ITGA5: variants seen among roughly 807,000 people sequenced by gnomAD.
ITGA5 encodes integrin alpha-5.
Under a neutral mutation model 146.3 loss-of-function variants are expected in ITGA5, and 55 were observed. The observed-to-expected ratio is 0.38, with a 90% CI of 0.30 to 0.47. The LOEUF is 0.47. Among genes scored for constraint, ITGA5 ranks in the 20% least tolerant of loss-of-function variants. ITGA5 has a pLI of 0.99. For missense variants in ITGA5, 1,131 were observed against 1,329.0 expected, an observed-to-expected ratio of 0.85 and a Z score of 2.32; for synonymous variants, 500 against 531.8, an observed-to-expected ratio of 0.94 and a Z score of 0.82.
chr12:54,414,965 A>T (rs1376843478), intron 1 of ITGA5, among the ~76,000 whole-genome samples: 2 of 151,906 alleles, frequency 1.3e-5, no homozygotes, highest in Non-Finnish European at 2.9e-5. Flanking sequence ...CTTGACCAAC[A>T]TGGCGAAACC....
chr12:54,408,055 G>T lies in ITGA5; in HGVS notation c.817+55C>A. On this transcript the variant is annotated intron_variant, in intron 7 of 29. Transcript: ENST00000293379. ...GAGGGGAGGCGAGGGGGTGAGTGGG[G>T]ACAGGAGCACTTGAGGTTCTCCCTC... 1.9e-6 allele frequency: 3 copies of T among 1,608,616 alleles called. No homozygotes were observed. In the East Asian group the frequency reaches 6.7e-5, roughly 36 times the overall value.
In ITGA5 at chr12:54,403,678, G is replaced by A; in HGVS notation, c.1723C>T (p.Leu575Phe). The change falls in exon 17 of 30, where the codon CTC becomes TTC. Residue 575 changes from leucine (L) to phenylalanine (F), a missense_variant. Physicochemically the swap from Leu to Phe is conservative, Grantham distance 22. Around this residue, in one of 3 missense-constraint regions of ITGA5, gnomAD observed 889 missense variants for 1,021.5 expected, o/e 0.87. Transcript: ENST00000293379. This position sits in a 1 kb window ranked among gnomAD's most constrained non-coding sequence, Gnocchi z 4.9. ...TCCTCTCGAGCCCCATTCTGGATGA[G>A]CAGGGTCTGGGTCAGGGTTGCCTGC... is the stretch of plus-strand genomic sequence containing the variant. ...SRQATLTQTL[L>F]IQNGAREDCR... 2 of 1,614,150 alleles carry A rather than the reference G, an allele frequency of 1.2e-6. No homozygotes were observed. The highest frequency in any genetic ancestry group is 1.7e-6 in the Non-Finnish European group (2 of 1,180,048).
Position 54,418,996 on chromosome 12 carries a change from C to T in ITGA5, c.203G>A (p.Arg68Gln). The change falls in exon 1 of 30, where the codon CGG (arginine) becomes CAG (glutamine). Residue 68 changes from arginine (R) to glutamine (Q), a missense_variant. Around this residue, in one of 3 missense-constraint regions of ITGA5, gnomAD observed 175 missense variants for 179.3 expected, o/e 0.98. Transcript: ENST00000293379. ...SFFGFSVEFY[R>Q]PGTDGVSVLV... ...CCTCACTCACCCGTCTGTTCCCGGC[C>T]GGTAAAACTCCACTGAGAATCCGAA... is the stretch of plus-strand genomic sequence containing the variant. The T allele has an allele frequency of 6.2e-7, 1 of 1,610,040 alleles. No individual in the cohort carries two copies. The highest frequency in any genetic ancestry group is 8.5e-7 in the Non-Finnish European group (1 of 1,178,792).
chr12:54,417,793 G>C (rs1328532158), intron 1 of ITGA5, among the ~76,000 whole-genome samples: 2 of 152,222 alleles, frequency 1.3e-5, no homozygotes, highest in East Asian at 3.9e-4. Flanking sequence ...GATTACACCA[G>C]TCATTGTGGA....
rs1955816096 is a variant in ITGA5, at chr12:54,403,382, G to A, written c.1777-58C>T. On this transcript the variant is annotated intron_variant, in intron 17 of 29. Transcript: ENST00000293379. The surrounding 1 kb of genome is among the most constrained non-coding windows in gnomAD (Gnocchi z 4.9). ...GGGACTCTGGAGACTTAGTGGCCCT[G>A]CTCCTCAGCCTCTCTCATCTCCCTT... 2 of 1,479,846 alleles carry A rather than the reference G, an allele frequency of 1.4e-6. No individual in the cohort carries two copies. Among genetic ancestry groups the A allele is most frequent in the South Asian group, 2.9e-5 (2 of 69,992 alleles). The allele number at this position is 1,479,846 out of a possible 1,614,324, so 91.7% of individuals were successfully genotyped here.
At position 54,409,035 on chromosome 12, in the gene ITGA5, TGG is replaced by T; in HGVS notation, c.584-83_584-82del. 1 of 1,479,678 alleles carries T rather than the reference TGG, an allele frequency of 6.8e-7. No homozygotes were observed. Among genetic ancestry groups the T allele is most frequent in the African/African-American group, 1.4e-5 (1 of 72,150 alleles). The allele number at this position is 1,479,678 out of a possible 1,614,324, so 91.7% of individuals were successfully genotyped here. A position where few individuals can be genotyped will look rare whatever the true frequency, so the allele number is the denominator to read the frequency against. On this transcript the variant is annotated intron_variant, in intron 4 of 29. Transcript: ENST00000293379. The surrounding 1 kb of genome is among the most constrained non-coding windows in gnomAD (Gnocchi z 4.7). The stretch of plus-strand genomic sequence containing the variant: ...AGAAGAGAGGGCATAGGGAAGGAGG[TGG>T]GAGAGAGAACCAGAGAAAGGGCCTT...
Position 54,397,389 on chromosome 12 carries a change from A to G in ITGA5, c.3042T>C (p.Gly1014=), listed in dbSNP as rs757545591. Residue 1014 remains glycine (G), a synonymous_variant, in exon 29 of 30, where the codon GGT becomes GGC. Transcript: ENST00000293379. ...LAILFGLLLL[G]LLIYILYKLG... The stretch of plus-strand genomic sequence containing the variant: ...CCTTGTAGAGGATGTAGATGAGTAG[A>G]CCTAGGAGCAGGAGGCCAAACAGGA... 4 of 1,613,876 alleles carry G rather than the reference A, an allele frequency of 2.5e-6. No homozygotes were observed. The highest frequency in any genetic ancestry group is 3.4e-6 in the Non-Finnish European group (4 of 1,179,960).
chr12:54,404,209 T>C lies in ITGA5; in HGVS notation c.1501A>G (p.Ile501Val), dbSNP rs754180687. The stretch of plus-strand genomic sequence containing the variant: ...TCTGGGTTGAACATGGCGGGGAAGA[T>C]GGTGAGGGAGGCACTAGCGGACACG... ...PIVSASASLT[I>V]FPAMFNPEER... The change falls in exon 15 of 30, where the codon ATC becomes GTC. Residue 501 changes from isoleucine to valine, a missense_variant. Transcript: ENST00000293379. The C allele has an allele frequency of 1.9e-6, 3 of 1,602,220 alleles. No homozygotes were observed. The highest frequency in any genetic ancestry group is 3.4e-5 in the Admixed American group (2 of 58,942).
intron 1 of ITGA5, among the ~76,000 whole-genome samples, chr12:54,413,709 A>C (rs547041232): frequency 1.2e-4 from 19 of 152,310 alleles, no homozygotes; most frequent in Admixed American, 1.3e-4. Flanking sequence ...AGAAAGCAGA[A>C]AGGGCCACCA....
chr12:54,411,882 A>G lies in ITGA5; in HGVS notation c.301T>C (p.Trp101Arg), dbSNP rs200580175. 38 of 1,595,924 alleles carry G rather than the reference A, an allele frequency of 2.4e-5. No homozygotes were observed. Among genetic ancestry groups the G allele is most frequent in the Non-Finnish European group, 2.9e-5 (34 of 1,171,196 alleles). The change falls in exon 2 of 30, where the codon TGG (tryptophan) becomes CGG (arginine). Residue 101 changes from tryptophan (W) to arginine (R), a missense_variant. Around this residue, in one of 3 missense-constraint regions of ITGA5, gnomAD observed 175 missense variants for 179.3 expected, o/e 0.98. Transcript: ENST00000293379. The stretch of plus-strand genomic sequence containing the variant: ...GTGCACTGTGTGGGGCTGGCACCCC[A>G]AGGACAGAGGTAGACAGCACCACCC... ...LQGGAVYLCP[W>R]GASPTQCTPI...
In ITGA5 at chr12:54,396,043, C is replaced by A; in HGVS notation, c.*250G>T. The A allele has an allele frequency of 2.3e-6, 1 of 430,158 alleles. No individual in the cohort carries two copies. Among genetic ancestry groups the A allele is most frequent in the Non-Finnish European group, 4.2e-6 (1 of 237,442 alleles). The allele number at this position is 430,158 out of a possible 1,614,324, so 26.6% of individuals were successfully genotyped here. ...GCTTCAGGGAGGCTGGGGCCTCTGTCCCTGGATCTGAGTTCCCCCATCCAT... is the reference window on the plus strand; with the variant it reads ...GCTTCAGGGAGGCTGGGGCCTCTGTACCTGGATCTGAGTTCCCCCATCCAT... On this transcript the variant is annotated 3_prime_UTR_variant, in exon 30 of 30. Coordinates refer to ENST00000293379, the MANE Select transcript of ITGA5 (RefSeq NM_002205.5).
intron 25 of ITGA5, 80 bp downstream of exon 25, chr12:54,400,766 C>A (rs535349862): frequency 7.4e-5 from 107 of 1,439,732 alleles, no homozygotes; most frequent in Non-Finnish European, 1.0e-4. Flanking sequence ...TCTTGCAGGC[C>A]CCCAGCAACC....
chr12:54,399,465 C>A (rs1489698102), intron 27 of ITGA5, among the ~76,000 whole-genome samples, 180 bp downstream of exon 27: 2 of 152,178 alleles, frequency 1.3e-5, no homozygotes, highest in East Asian at 3.9e-4. Flanking sequence ...GCTGCTCCCA[C>A]TGTGGCCACT....
chr12:54,399,269 G>A (rs145063506), intron 27 of ITGA5, among the ~76,000 whole-genome samples: 94 of 152,332 alleles, frequency 6.2e-4, no homozygotes, highest in African/African-American at 2.1e-3. Context: ...TTATTAATGT[G>A]CTTTGACACC....
In ITGA5 at chr12:54,402,361, G is replaced by A. The variant is rs141906967; in HGVS notation, c.1983-31C>T. ...AGGGACACAGAGGGTAAGGGACATTGGTGAATTAATCCTCAAACCAGGACA... is the reference window on the plus strand; with the variant it reads ...AGGGACACAGAGGGTAAGGGACATTAGTGAATTAATCCTCAAACCAGGACA... On this transcript the variant is annotated intron_variant, in intron 19 of 29. Coordinates refer to ENST00000293379, the MANE Select transcript of ITGA5 (RefSeq NM_002205.5). 4.2e-5 allele frequency: 67 copies of A among 1,580,362 alleles called. No individual in the cohort carries two copies. In the East Asian group the frequency reaches 1.5e-3, roughly 36 times the overall value.
Position 54,409,085 on chromosome 12 carries a change from A to G in ITGA5, c.584-131T>C. The G allele has an allele frequency of 2.1e-6, 3 of 1,403,716 alleles. No homozygotes were observed. Among genetic ancestry groups the G allele is most frequent in the Non-Finnish European group, 9.9e-7 (1 of 1,012,696 alleles). The allele number at this position is 1,403,716 out of a possible 1,614,324, so 87.0% of individuals were successfully genotyped here. A position where few individuals can be genotyped will look rare whatever the true frequency, so the allele number is the denominator to read the frequency against. ...CTTCCTGGACCAGACAGTAAGCATAAAGGCTAACGAACTGGGTTAGCCTTT... is the reference window on the plus strand; with the variant it reads ...CTTCCTGGACCAGACAGTAAGCATAGAGGCTAACGAACTGGGTTAGCCTTT... On this transcript the variant is annotated intron_variant, in intron 4 of 29. Coordinates refer to ENST00000293379, the MANE Select transcript of ITGA5 (RefSeq NM_002205.5). This position sits in a 1 kb window ranked among gnomAD's most constrained non-coding sequence, Gnocchi z 4.7.
intron 9 of ITGA5, among the ~76,000 whole-genome samples, chr12:54,406,727 C>T (rs990612604): frequency 6.6e-6 from 1 of 152,240 alleles, no homozygotes; most frequent in South Asian, 2.1e-4. Context: ...TGCTCCTGCA[C>T]AGGATGCCCT....
rs1421022568 is a variant in ITGA5, at chr12:54,403,829, T to C, written c.1622-50A>G. ...AAACTGCCTGTCTTTCCTCATCTTT[T>C]CAGAGAGAAGAAATGTCCCCAGGTC... On this transcript the variant is annotated intron_variant, in intron 16 of 29. Transcript: ENST00000293379. This position sits in a 1 kb window ranked among gnomAD's most constrained non-coding sequence, Gnocchi z 4.9. 1.9e-6 allele frequency: 3 copies of C among 1,610,200 alleles called. No individual in the cohort carries two copies. Among genetic ancestry groups the C allele is most frequent in the Non-Finnish European group, 2.5e-6 (3 of 1,176,866 alleles).
Position 54,398,833 on chromosome 12 carries a change from C to CTT in ITGA5, c.2842-136_2842-135insAA, listed in dbSNP as rs1428509727. On this transcript the variant is annotated intron_variant, in intron 27 of 29. Transcript: ENST00000293379. The stretch of plus-strand genomic sequence containing the variant: ...TTCCTGAGTCTCTCTCTCTCTCTCT[C>CTT]TCTTTTTTTTTTTTTTTTTTTTTTG... 4.0e-3 allele frequency: 1,545 copies of CTT among 390,354 alleles called. 15 individuals carry two copies. The highest frequency in any genetic ancestry group is 0.016 in the African/African-American group (614 of 39,114). 24.2% of individuals were successfully genotyped at this position (390,354 alleles called of 1,614,324 possible).
Sources: allele counts gnomAD v4.1 joint callset (sites outside exome capture counted in the v4.1 genomes callset), GRCh38; gene constraint gnomAD v4.1.1; regional missense constraint gnomAD v4.1.1; non-coding constraint Gnocchi (gnomAD v3.1); transcripts MANE v1.5; gene names NCBI Gene and HGNC (gene_info 2026-07-23, HGNC 2026-07-21).